KCNH5: variants seen among roughly 807,000 people sequenced by gnomAD.
KCNH5 encodes the protein voltage-gated delayed rectifier potassium channel KCNH5.
KCNH5 carries 46 observed loss-of-function variants against 96.1 expected under a neutral mutation model. The observed-to-expected ratio is 0.48, with a 90% CI of 0.38 to 0.61. The LOEUF (loss-of-function observed/expected upper bound fraction) is 0.61, where lower values mean the gene tolerates loss of function less well. KCNH5 is among the 20% of genes least tolerant of loss of function. KCNH5 has a pLI of 0.00. For synonymous variants in KCNH5, 439 were observed against 449.8 expected (o/e 0.98, Z 0.30); for missense variants, 907 against 1,225.8 (o/e 0.74, Z 3.88).
At chr14:62,781,733 T>C (rs1387945693) in intron 9 of KCNH5, among the ~76,000 whole-genome samples, 1 of 152,228 alleles carries the variant, frequency 6.6e-6, no homozygotes, top group Non-Finnish European at 1.5e-5. Context: ...CCTGAACAAT[T>C]GCTGTTATCC....
intron 9 of KCNH5, among the ~76,000 whole-genome samples, chr14:62,794,414 T>C (rs1427216452): frequency 6.6e-6 from 1 of 151,364 alleles, no homozygotes; most frequent in Non-Finnish European, 1.5e-5. Flanking sequence ...ATTTGATGGG[T>C]AAAAGCATGC....
At chr14:62,943,385 G>A (rs1432210388) in intron 7 of KCNH5, among the ~76,000 whole-genome samples, 1 of 151,936 alleles carries the variant, frequency 6.6e-6, no homozygotes, top group Non-Finnish European at 1.5e-5. Flanking sequence ...AATCATCCAC[G>A]TACTATGGTG....
intron 8 of KCNH5, among the ~76,000 whole-genome samples, chr14:62,831,707 AAATT>A (rs1887353406): frequency 6.6e-6 from 1 of 152,032 alleles, no homozygotes. Flanking sequence ...TGATGAACAT[AAATT>A]ATTTATTTAT....
intron 7 of KCNH5, among the ~76,000 whole-genome samples, chr14:62,892,873 T>C (rs1034628341): frequency 6.6e-6 from 1 of 152,148 alleles, no homozygotes; most frequent in African/African-American, 2.4e-5. Flanking sequence ...AAAAATTTTT[T>C]TTTCAAAAGG....
chr14:62,902,776 A>G (rs1888953724), intron 7 of KCNH5, among the ~76,000 whole-genome samples: 1 of 151,290 alleles, frequency 6.6e-6, no homozygotes, highest in Non-Finnish European at 1.5e-5. Context: ...CTGGAGTGCA[A>G]TGGCACGATC....
intron 10 of KCNH5, among the ~76,000 whole-genome samples, chr14:62,741,196 AC>A (rs1442676297): frequency 1.3e-5 from 2 of 152,156 alleles, no homozygotes; most frequent in Non-Finnish European, 1.5e-5. Context: ...TTCCTTAAGA[AC>A]TTTGCAAGGT....
At chr14:62,724,077 A>T (rs1884871978) in intron 10 of KCNH5, among the ~76,000 whole-genome samples, 1 of 152,194 alleles carries the variant, frequency 6.6e-6, no homozygotes, top group South Asian at 2.1e-4. Flanking sequence ...AATCCAGAGG[A>T]GACAGTATTT....
At chr14:62,987,480 G>GTA (rs1239704483) in intron 4 of KCNH5, among the ~76,000 whole-genome samples, 1 of 152,102 alleles carries the variant, frequency 6.6e-6, no homozygotes, top group Admixed American at 6.6e-5. Flanking sequence ...TCCTTGCATT[G>GTA]TACAGCTTTC....
chr14:62,808,344 T>C lies in KCNH5; in HGVS notation c.1570-5763A>G, dbSNP rs149446023. ...AGATTCTGTGTGTAAACATATTGGC[T>C]AAAGTTAAAGAGGTATTATTCAGTT... On this transcript the variant is annotated intron_variant, in intron 8 of 10. Coordinates refer to ENST00000322893, the MANE Select transcript of KCNH5 (RefSeq NM_139318.5). 8.1e-3 allele frequency among the ~76,000 whole-genome samples: 1,236 copies of C among 152,224 alleles called. 15 individuals carry two copies. The highest frequency in any genetic ancestry group is 0.027 in the African/African-American group (1,130 of 41,544).
intron 8 of KCNH5, among the ~76,000 whole-genome samples, chr14:62,826,800 T>C (rs879412751): frequency 6.6e-6 from 1 of 152,058 alleles, no homozygotes; most frequent in African/African-American, 2.4e-5. Context: ...ATCTATTTTA[T>C]CAGAGCATTT....
chr14:62,722,897 T>C (rs1884844848), intron 10 of KCNH5, among the ~76,000 whole-genome samples: 1 of 152,220 alleles, frequency 6.6e-6, no homozygotes, highest in African/African-American at 2.4e-5. Context: ...ACCCGTTTCC[T>C]ACTGCCAACT....
intron 1 of KCNH5, among the ~76,000 whole-genome samples, chr14:63,041,342 G>T (rs1049915064): frequency 2.6e-5 from 4 of 152,058 alleles, no homozygotes; most frequent in Non-Finnish European, 4.4e-5. Context: ...ATAAATAATT[G>T]AAATTTAAAT....
intron 6 of KCNH5, among the ~76,000 whole-genome samples, chr14:62,972,207 T>C (rs1370934185): frequency 6.6e-6 from 1 of 152,310 alleles, no homozygotes; most frequent in Middle Eastern, 3.4e-3. Flanking sequence ...AAGATATTCC[T>C]ATGAGAATTA....
chr14:63,039,904 G>C (rs1033613182), intron 1 of KCNH5, among the ~76,000 whole-genome samples: 1 of 152,000 alleles, frequency 6.6e-6, no homozygotes, highest in Non-Finnish European at 1.5e-5. Context: ...GTGGGGGAAG[G>C]GGGAGGTGGG....
rs373275506 is a variant in KCNH5 at position 62,749,351 on chromosome 14, T to G, written c.2019+30377A>C. On this transcript the variant is annotated intron_variant, in intron 10 of 10. Coordinates refer to ENST00000322893, the MANE Select transcript of KCNH5 (RefSeq NM_139318.5). Reference sequence around the variant, plus strand: ...TGTGGGACTTCATAAGAAATGAGTTTAATTCCAGATAAGCAGACCCACCTG... The same window carrying G: ...TGTGGGACTTCATAAGAAATGAGTTGAATTCCAGATAAGCAGACCCACCTG... Among the ~76,000 whole-genome samples, 6 of 152,338 alleles carry G rather than the reference T, an allele frequency of 3.9e-5. 1 individual carries two copies. The highest frequency in any genetic ancestry group is 1.4e-4 in the African/African-American group (6 of 41,588).
chr14:62,986,344 G>A (rs189200083), intron 5 of KCNH5, among the ~76,000 whole-genome samples: 1 of 152,050 alleles, frequency 6.6e-6, no homozygotes, highest in Non-Finnish European at 1.5e-5. Flanking sequence ...AGGCACAAAG[G>A]TCATTTTCCT....
rs10135201 is a variant in KCNH5, at chr14:63,004,133, C to A, written c.304+2233G>T. On this transcript the variant is annotated intron_variant, in intron 3 of 10. Coordinates refer to ENST00000322893, the MANE Select transcript of KCNH5 (RefSeq NM_139318.5). ...GTATTGGGAGAACTTGGCACATAGG[C>A]ATTCCCAAAACAGTTTTCTGCAGAT... is the stretch of plus-strand genomic sequence containing the variant. Among the ~76,000 whole-genome samples, 554 of 152,316 alleles carry A rather than the reference C, an allele frequency of 3.6e-3. 4 individuals are homozygous for A. Among genetic ancestry groups the A allele is most frequent in the African/African-American group, 0.013 (532 of 41,566 alleles).
Position 62,802,368 on chromosome 14 carries a change from A to G in KCNH5, c.1783T>C (p.Leu595=). 1 of 1,614,102 alleles carries G rather than the reference A, an allele frequency of 6.2e-7. No individual in the cohort carries two copies. The highest frequency in any genetic ancestry group is 1.7e-4 in the Middle Eastern group (1 of 6,058). ...ACCTCATCATCCTGGATGACTTCCA[A>G]GGATCCTGACACCACAAAGCAGAGG... ...DALCFVVSGS[L]EVIQDDEVVA... Residue 595 remains leucine, a synonymous_variant, in exon 9 of 11, where the codon TTG becomes CTG. Coordinates refer to ENST00000322893, the MANE Select transcript of KCNH5 (RefSeq NM_139318.5).
At chr14:62,918,827 G>A (rs1956026) in intron 7 of KCNH5, among the ~76,000 whole-genome samples, 25,347 of 151,904 alleles carry the variant, frequency 0.17, 2,455 homozygotes, top group East Asian at 0.45. Context: ...AAAAAAATGC[G>A]TAACCTTTGT....
Sources: allele counts gnomAD v4.1 joint callset (sites outside exome capture counted in the v4.1 genomes callset), GRCh38; gene constraint gnomAD v4.1.1; transcripts MANE v1.5; gene names NCBI Gene and HGNC (gene_info 2026-07-23, HGNC 2026-07-21).